The following PXDN variants were observed in gnomAD, a reference collection of about 807,000 sequenced individuals.
PXDN encodes the protein peroxidasin homolog.
PXDN carries 77 observed loss-of-function variants against 140.3 expected under a neutral mutation model. That is an observed-to-expected ratio of 0.55 (90% CI 0.46 to 0.66). The LOEUF (loss-of-function observed/expected upper bound fraction) is 0.66, where lower values mean the gene tolerates loss of function less well. PXDN is among the 30% of genes least tolerant of loss of function. PXDN has a pLI of 0.00. For missense variants in PXDN, 1,838 were observed against 2,039.5 expected (o/e 0.90, Z 1.90); for synonymous variants, 911 against 857.4 (o/e 1.06, Z -1.09).
chr2:1,638,942 G>A lies in PXDN; in HGVS notation c.4110C>T (p.Thr1370=). Residue 1370 remains threonine, a synonymous_variant, in exon 21 of 23, where the codon ACC becomes ACT. Transcript: ENST00000252804. ...GRQGEHLSNS[T]SAFSTRSDAS... ...CATCTGAGCGTGTGCTGAAGGCTGA[G>A]GTGCTGTTGCTGAGATGTTCCCCCT... 1 of 1,614,008 alleles carries A rather than the reference G, an allele frequency of 6.2e-7. No individual in the cohort carries two copies. The highest frequency in any genetic ancestry group is 8.5e-7 in the Non-Finnish European group (1 of 1,179,870).
At chr2:1,688,468 T>C (rs889160598) in intron 3 of PXDN, among the ~76,000 whole-genome samples, 20 of 152,164 alleles carry the variant, frequency 1.3e-4, no homozygotes, top group Non-Finnish European at 4.4e-5. Flanking sequence ...TGATGGAGGA[T>C]GAAAATTTCC....
At chr2:1,644,406 G>A (rs1312908003) in intron 18 of PXDN, among the ~76,000 whole-genome samples, 3 of 152,178 alleles carry the variant, frequency 2.0e-5, no homozygotes, top group Non-Finnish European at 4.4e-5. Flanking sequence ...AACCTGGTGT[G>A]GTTGAGTTTT....
chr2:1,688,968 C>T (rs1370711502), intron 3 of PXDN, among the ~76,000 whole-genome samples: 1 of 152,166 alleles, frequency 6.6e-6, no homozygotes, highest in Non-Finnish European at 1.5e-5. Flanking sequence ...CTAAGTGGCT[C>T]TCACGTCCTC....
intron 16 of PXDN, among the ~76,000 whole-genome samples, chr2:1,650,003 C>T (rs1471909151): frequency 2.0e-5 from 3 of 152,142 alleles, no homozygotes; most frequent in Non-Finnish European, 2.9e-5. Context: ...GCCCGACCCA[C>T]GTTGACCAGT....
At chr2:1,738,224 T>C (rs1038577108) in intron 1 of PXDN, among the ~76,000 whole-genome samples, 1 of 152,188 alleles carries the variant, frequency 6.6e-6, no homozygotes, top group Admixed American at 6.5e-5. Context: ...CTATCACTAT[T>C]AAAATAATTA....
Position 1,648,245 on chromosome 2 carries a change from G to C in PXDN, c.3535C>G (p.Leu1179Val). The part of the protein sequence containing the change: ...PYHDYRVYCN[L>V]SAAHTFEDLK... ...TCCTCGAACGTGTGTGCCGCCGATA[G>C]ATTGCAGTAGACCCTGTAGTCGTGG... Residue 1179 changes from leucine (L) to valine (V), a missense_variant, in exon 17 of 23, where the codon CTA (leucine) becomes GTA (valine). Around this residue, in one of 5 missense-constraint regions of PXDN, gnomAD observed 850 missense variants for 894.1 expected, o/e 0.95. Transcript: ENST00000252804. This position sits in a 1 kb window ranked among gnomAD's most constrained non-coding sequence, Gnocchi z 8.9. 1 of 1,613,950 alleles carries C rather than the reference G, an allele frequency of 6.2e-7. No individual in the cohort carries two copies. Among genetic ancestry groups the C allele is most frequent in the Non-Finnish European group, 8.5e-7 (1 of 1,179,884 alleles).
At chr2:1,644,310 A>G (rs1215853268) in intron 18 of PXDN, among the ~76,000 whole-genome samples, 1 of 152,130 alleles carries the variant, frequency 6.6e-6, no homozygotes, top group African/African-American at 2.4e-5. Flanking sequence ...CTAAAGTCCC[A>G]CAGTGGTTTA....
At chr2:1,658,104 C>T (rs2125420130) in intron 14 of PXDN, among the ~76,000 whole-genome samples, 1 of 140,544 alleles carries the variant, frequency 7.1e-6, no homozygotes, top group African/African-American at 2.7e-5. Context: ...GTTACAGTGT[C>T]TGCGTGCGTC....
At chr2:1,743,287 A>AT (rs1685590479) in intron 1 of PXDN, among the ~76,000 whole-genome samples, 1 of 152,226 alleles carries the variant, frequency 6.6e-6, no homozygotes, top group African/African-American at 2.4e-5. Context: ...CGCAACTGCG[A>AT]ACACGCTCGC....
At chr2:1,675,516 G>C (rs1414929791) in intron 8 of PXDN, among the ~76,000 whole-genome samples, 2 of 152,170 alleles carry the variant, frequency 1.3e-5, no homozygotes, top group African/African-American at 4.8e-5. Flanking sequence ...GCTGTGAAGA[G>C]AGTGACTGCA....
chr2:1,725,666 G>A (rs1266435215), intron 1 of PXDN, among the ~76,000 whole-genome samples: 17 of 152,104 alleles, frequency 1.1e-4, no homozygotes, highest in South Asian at 4.1e-4. Context: ...GAAAATTTTC[G>A]CGACCTACTC....
intron 14 of PXDN, among the ~76,000 whole-genome samples, chr2:1,657,498 C>T (rs1032173751): frequency 6.6e-5 from 10 of 151,640 alleles, no homozygotes; most frequent in Non-Finnish European, 1.2e-4. Context: ...TGAAGCCTGC[C>T]ACCTCCTGAC....
At chr2:1,734,470 A>C (rs1367349716) in intron 1 of PXDN, among the ~76,000 whole-genome samples, 1 of 152,160 alleles carries the variant, frequency 6.6e-6, no homozygotes, top group Non-Finnish European at 1.5e-5. Context: ...ATAAGACAAC[A>C]ATGATGTTTG....
intron 1 of PXDN, among the ~76,000 whole-genome samples, chr2:1,739,238 G>C: frequency 6.6e-6 from 1 of 152,084 alleles, no homozygotes; most frequent in Middle Eastern, 3.4e-3. Flanking sequence ...TCTTTTCACC[G>C]GACTTAGCTC....
At chr2:1,744,657 T>G (rs736868), upstream of PXDN, 1 of 399,992 alleles carries the variant, frequency 2.5e-6, no homozygotes, top group African/African-American at 2.1e-5. Flanking sequence ...GCGTCCGGCC[T>G]GAGCGCCCTC....
intron 1 of PXDN, among the ~76,000 whole-genome samples, chr2:1,693,476 A>C (rs1684228567): frequency 6.6e-6 from 1 of 152,232 alleles, no homozygotes; most frequent in South Asian, 2.1e-4. Flanking sequence ...GATGACATTC[A>C]AGAAGAGAGT....
Position 1,654,467 on chromosome 2 carries a change from A to T in PXDN, c.1879T>A (p.Ser627Thr), listed in dbSNP as rs749356173. 5.6e-6 allele frequency: 9 copies of T among 1,613,726 alleles called. No individual in the cohort carries two copies. The highest frequency in any genetic ancestry group is 2.2e-5 in the South Asian group (2 of 91,070). Residue 627 changes from serine (S) to threonine (T), a missense_variant, in exon 15 of 23, where the codon TCC becomes ACC. Around this residue, in one of 5 missense-constraint regions of PXDN, gnomAD observed 537 missense variants for 583.9 expected, o/e 0.92. Coordinates refer to ENST00000252804, the MANE Select transcript of PXDN (RefSeq NM_012293.3). The part of the protein sequence containing the change: ...SRNGDPFVAT[S>T]IVEAIATVDR... The stretch of plus-strand genomic sequence containing the variant: ...ACAGTCGCAATCGCTTCCACGATGG[A>T]GGTAGCTACAAACGGATCTCCATTT...
At chr2:1,702,495 T>C (rs1397940011) in intron 1 of PXDN, among the ~76,000 whole-genome samples, 1 of 152,180 alleles carries the variant, frequency 6.6e-6, no homozygotes, top group African/African-American at 2.4e-5. Flanking sequence ...ACCCCAAATA[T>C]CTCAGACAGG....
At chr2:1,691,385 A>C (rs769855168) in intron 3 of PXDN, among the ~76,000 whole-genome samples, 24 of 152,252 alleles carry the variant, frequency 1.6e-4, no homozygotes, top group Non-Finnish European at 2.9e-4. Flanking sequence ...AAATGAAAAT[A>C]AATCGATTAA....
Sources: allele counts gnomAD v4.1 joint callset (sites outside exome capture counted in the v4.1 genomes callset), GRCh38; gene constraint gnomAD v4.1.1; regional missense constraint gnomAD v4.1.1; non-coding constraint Gnocchi (gnomAD v3.1); transcripts MANE v1.5; gene names NCBI Gene and HGNC (gene_info 2026-07-23, HGNC 2026-07-21).